SCARA5: variants seen among roughly 807,000 people sequenced by gnomAD.
The protein encoded by SCARA5 is scavenger receptor class A, member 5 (putative).
A neutral mutation model predicts 46.3 loss-of-function variants in SCARA5; 45 were observed. The ratio of observed to expected loss-of-function variants is 0.97; its 90% CI spans 0.76 to 1.24. The LOEUF (loss-of-function observed/expected upper bound fraction) is 1.24. Ranked by LOEUF, SCARA5 falls within the 50% of genes most tolerant of loss-of-function variation. The pLI is 0.00. For missense variants in SCARA5, 680 were observed against 689.0 expected (o/e 0.99, Z 0.15); for synonymous variants, 333 against 306.5 (o/e 1.09, Z -0.90).
intron 3 of SCARA5, among the ~76,000 whole-genome samples, chr8:27,940,863 T>C (rs1807934384): frequency 6.6e-6 from 1 of 151,990 alleles, no homozygotes; most frequent in African/African-American, 2.4e-5. Flanking sequence ...GTTTTCCCAA[T>C]TAAAAACACT....
intron 3 of SCARA5, among the ~76,000 whole-genome samples, chr8:27,962,280 T>C (rs1305178131): frequency 6.6e-6 from 1 of 152,202 alleles, no homozygotes; most frequent in Admixed American, 6.5e-5. Flanking sequence ...AATTACCTCC[T>C]TGAAAGTAAT....
chr8:27,934,983 C>A (rs1807832361), intron 3 of SCARA5, among the ~76,000 whole-genome samples: 1 of 152,210 alleles, frequency 6.6e-6, no homozygotes, highest in African/African-American at 2.4e-5. Context: ...TCTGTTCACA[C>A]CTTGGAAAAC....
At position 27,904,977 on chromosome 8, in the gene SCARA5, G is replaced by A. The variant is rs75938477; in HGVS notation, c.1097-143C>T. The A allele has an allele frequency of 9.9e-5, 71 of 717,220 alleles. No homozygotes were observed. In the African/African-American group the frequency reaches 1.1e-3, roughly 11 times the overall value. The allele number at this position is 717,220 out of a possible 1,614,324, so 44.4% of individuals were successfully genotyped here. On this transcript the variant is annotated intron_variant, in intron 6 of 8. Coordinates refer to ENST00000354914, the MANE Select transcript of SCARA5 (RefSeq NM_173833.6). ...CAGCAACTGGAGAGCCCAGCAGGCAGGAGAAGAGGGCAGCCAATTCTGCCA... is the reference window on the plus strand; with the variant it reads ...CAGCAACTGGAGAGCCCAGCAGGCAAGAGAAGAGGGCAGCCAATTCTGCCA...
At chr8:27,901,440 C>T (rs192934876) in intron 7 of SCARA5, among the ~76,000 whole-genome samples, 53 of 152,254 alleles carry the variant, frequency 3.5e-4, no homozygotes, top group African/African-American at 8.7e-4. Context: ...GTAGATCCTA[C>T]GGTGGGGCTT....
At chr8:27,975,568 C>T (rs1297495962) in intron 2 of SCARA5, among the ~76,000 whole-genome samples, 1 of 152,194 alleles carries the variant, frequency 6.6e-6, no homozygotes, top group Non-Finnish European at 1.5e-5. Flanking sequence ...AACCAGAGGA[C>T]ACCCAGCTGG....
At chr8:27,894,225 AAAGTC>A (rs1807027407) in intron 7 of SCARA5, among the ~76,000 whole-genome samples, 1 of 152,254 alleles carries the variant, frequency 6.6e-6, no homozygotes. Context: ...CAGGCTCAGA[AAAGTC>A]AAGTAAAAAT....
chr8:27,870,216 T>G lies in SCARA5; in HGVS notation c.*1718A>C, dbSNP rs1487113215. On this transcript the variant is annotated 3_prime_UTR_variant, in exon 9 of 9. Coordinates refer to ENST00000354914, the MANE Select transcript of SCARA5 (RefSeq NM_173833.6). ...CAATGTGGCATCTTTCACCTTTAGT[T>G]TTTTTTTTTTTTTTTTTTTAACTTA... is the stretch of plus-strand genomic sequence containing the variant. 2 of 4,424 alleles carry G rather than the reference T, an allele frequency of 4.5e-4. No homozygotes were observed. Among genetic ancestry groups the G allele is most frequent in the Admixed American group, 7.8e-3 (1 of 128 alleles). The allele number at this position is 4,424 out of a possible 1,614,324, so 0.3% of individuals were successfully genotyped here. A position where few individuals can be genotyped will look rare whatever the true frequency, so the allele number is the denominator to read the frequency against.
intron 4 of SCARA5, among the ~76,000 whole-genome samples, chr8:27,919,612 G>A (rs976513518): frequency 3.3e-5 from 5 of 151,930 alleles, no homozygotes; most frequent in African/African-American, 1.2e-4. Flanking sequence ...GGCCTCTGCA[G>A]CAGTTCTCTC....
chr8:27,982,944 G>A (rs923232607), intron 2 of SCARA5, among the ~76,000 whole-genome samples: 1 of 152,220 alleles, frequency 6.6e-6, no homozygotes, highest in Non-Finnish European at 1.5e-5. Flanking sequence ...GTGCAGGAGT[G>A]GAACGGTGCC....
rs560662903 is a variant in SCARA5 at position 27,880,748 on chromosome 8, G to C, written c.1154-982C>G. ...CCCATGCCTGTGGTGCTAGCTACTC[G>C]GGAGGCTGAGGTGGGAGGATCACTT... is the stretch of plus-strand genomic sequence containing the variant. On this transcript the variant is annotated intron_variant, in intron 7 of 8. Transcript: ENST00000354914. Among the ~76,000 whole-genome samples, 4 of 151,724 alleles carry C rather than the reference G, an allele frequency of 2.6e-5. No individual in the cohort carries two copies. In the South Asian group the frequency reaches 8.3e-4, roughly 32 times the overall value.
At chr8:27,874,504 C>A (rs1806692445) in intron 8 of SCARA5, among the ~76,000 whole-genome samples, 1 of 152,216 alleles carries the variant, frequency 6.6e-6, no homozygotes, top group African/African-American at 2.4e-5. Flanking sequence ...TGGAACACAG[C>A]CCCACCCATT....
At chr8:27,930,227 C>T (rs574415593) in intron 3 of SCARA5, among the ~76,000 whole-genome samples, 4 of 152,070 alleles carry the variant, frequency 2.6e-5, no homozygotes, top group Non-Finnish European at 4.4e-5. Flanking sequence ...TCATGGGGAA[C>T]GGTCTTTCTC....
At chr8:27,892,391 G>A (rs1185332625) in intron 7 of SCARA5, among the ~76,000 whole-genome samples, 1 of 152,114 alleles carries the variant, frequency 6.6e-6, no homozygotes, top group East Asian at 1.9e-4. Flanking sequence ...AGCCTGAAGA[G>A]GGCACCTGTG....
intron 3 of SCARA5, among the ~76,000 whole-genome samples, chr8:27,949,584 T>C (rs1186760789): frequency 6.6e-6 from 1 of 152,210 alleles, no homozygotes; most frequent in Non-Finnish European, 1.5e-5. Flanking sequence ...CAGGCCACTG[T>C]TGCCGCATAA....
intron 7 of SCARA5, among the ~76,000 whole-genome samples, chr8:27,889,318 G>A (rs1268863492): frequency 1.3e-5 from 2 of 152,152 alleles, no homozygotes; most frequent in African/African-American, 2.4e-5. Context: ...GTGATTTTTC[G>A]GTAATTATGA....
At chr8:27,981,562 G>A (rs895029032) in intron 2 of SCARA5, among the ~76,000 whole-genome samples, 9 of 152,342 alleles carry the variant, frequency 5.9e-5, no homozygotes, top group South Asian at 2.1e-4. Context: ...AACAGTGTAC[G>A]GCACGTGGGG....
At chr8:27,876,137 T>C (rs1411873012) in intron 8 of SCARA5, among the ~76,000 whole-genome samples, 1 of 152,208 alleles carries the variant, frequency 6.6e-6, no homozygotes, top group East Asian at 1.9e-4. Context: ...CCCACACTTG[T>C]AGATAAGCGT....
At chr8:27,985,962 G>A (rs2129984553) in intron 2 of SCARA5, among the ~76,000 whole-genome samples, 1 of 152,294 alleles carries the variant, frequency 6.6e-6, no homozygotes, top group East Asian at 1.9e-4. Flanking sequence ...AGTAAGATGA[G>A]GTACTAGGAA....
chr8:27,916,443 GT>G (rs1169490001), intron 4 of SCARA5, among the ~76,000 whole-genome samples: 9 of 152,288 alleles, frequency 5.9e-5, no homozygotes, highest in Admixed American at 5.9e-4. Context: ...GTGTGTTTAT[GT>G]CTGTATATGT....
Sources: allele counts gnomAD v4.1 joint callset (sites outside exome capture counted in the v4.1 genomes callset), GRCh38; gene constraint gnomAD v4.1.1; transcripts MANE v1.5; gene names NCBI Gene and HGNC (gene_info 2026-07-23, HGNC 2026-07-21).